KLHL8: variants seen among roughly 807,000 people sequenced by gnomAD.
KLHL8 encodes kelch-like protein 8.
Under a neutral mutation model 63.5 loss-of-function variants are expected in KLHL8, and 38 were observed. That is an observed-to-expected ratio of 0.60 (90% CI 0.46 to 0.78). The LOEUF is 0.78. Among genes scored for constraint, KLHL8 ranks in the 30% least tolerant of loss-of-function variants. KLHL8 has a pLI of 0.00. For missense variants in KLHL8, 566 were observed against 752.4 expected (o/e 0.75, Z 2.90); for synonymous variants, 224 against 254.3 (o/e 0.88, Z 1.13).
At chr4:87,165,012 G>T (rs1030202023) in intron 8 of KLHL8, among the ~76,000 whole-genome samples, 2 of 151,912 alleles carry the variant, frequency 1.3e-5, no homozygotes, top group African/African-American at 2.4e-5. Context: ...AGCTGGGCAT[G>T]GTGGCGGGCG....
At chr4:87,237,533 A>C (rs1012467551) in intron 1 of KLHL8, among the ~76,000 whole-genome samples, 14 of 152,336 alleles carry the variant, frequency 9.2e-5, no homozygotes, top group African/African-American at 3.1e-4. Flanking sequence ...TCATTGATTA[A>C]ATAAACAAAT....
intron 1 of KLHL8, among the ~76,000 whole-genome samples, chr4:87,226,428 C>T (rs1296188929): frequency 4.0e-5 from 6 of 149,360 alleles, no homozygotes; most frequent in East Asian, 2.0e-4. Context: ...CCGGGCATGG[C>T]GGTGCACGCC....
chr4:87,210,825 A>T (rs1261325834), intron 1 of KLHL8, among the ~76,000 whole-genome samples: 1 of 152,168 alleles, frequency 6.6e-6, no homozygotes. Context: ...TCATCTTCTA[A>T]GATCAGCCCA....
At position 87,162,483 on chromosome 4, in the gene KLHL8, T is replaced by G. The variant is rs1330267830; in HGVS notation, c.*1036A>C. 6.6e-6 allele frequency: 1 copy of G among 152,220 alleles called. No homozygotes were observed. Among genetic ancestry groups the G allele is most frequent in the Non-Finnish European group, 1.5e-5 (1 of 68,030 alleles). The allele number at this position is 152,220 out of a possible 1,614,324, so 9.4% of individuals were successfully genotyped here. ...ATGTTTAATTAGTTCGTGATGGGCT[T>G]GAACTAATCAATAAACTACAGTCTA... On this transcript the variant is annotated 3_prime_UTR_variant, in exon 10 of 10. Coordinates refer to ENST00000273963, the MANE Select transcript of KLHL8 (RefSeq NM_020803.5).
chr4:87,215,888 T>C (rs1325321324), intron 1 of KLHL8, among the ~76,000 whole-genome samples: 1 of 152,190 alleles, frequency 6.6e-6, no homozygotes. Context: ...AAAGTGATCA[T>C]CAATTAGGAT....
chr4:87,189,145 G>A (rs6815528), intron 2 of KLHL8, among the ~76,000 whole-genome samples: 2 of 152,146 alleles, frequency 1.3e-5, no homozygotes, highest in Non-Finnish European at 2.9e-5. Context: ...GAAACAGACG[G>A]GTCAGTTACA....
chr4:87,206,523 T>C (rs2110034871), intron 1 of KLHL8, among the ~76,000 whole-genome samples: 1 of 152,340 alleles, frequency 6.6e-6, no homozygotes, highest in Non-Finnish European at 1.5e-5. Context: ...ATCTTAAATA[T>C]ACTCTTGTTT....
chr4:87,176,851 C>CTACT lies in KLHL8; in HGVS notation c.1110_1113dup (p.Gly372SerfsTer5), dbSNP rs1425822142. The CTACT allele has an allele frequency of 6.3e-7, 1 of 1,596,370 alleles. No homozygotes were observed. Among genetic ancestry groups the CTACT allele is most frequent in the African/African-American group, 1.3e-5 (1 of 74,504 alleles). On this transcript the variant is annotated frameshift_variant, in exon 6 of 10. Transcript: ENST00000273963. LOFTEE classifies it high-confidence loss of function. ...AAATGTTCATTTCCATCATGTCCAC[C>CTACT]TACTGCATACACTTTACCTGTCAAA...
At chr4:87,210,387 A>C (rs1339681650) in intron 1 of KLHL8, among the ~76,000 whole-genome samples, 1 of 152,182 alleles carries the variant, frequency 6.6e-6, no homozygotes, top group Non-Finnish European at 1.5e-5. Context: ...AGGCTGAGGC[A>C]GGAGAATGGT....
intron 3 of KLHL8, among the ~76,000 whole-genome samples, chr4:87,184,637 A>C (rs904935329): frequency 2.6e-5 from 4 of 152,096 alleles, no homozygotes; most frequent in Non-Finnish European, 4.4e-5. Flanking sequence ...GAAGGGAAGG[A>C]GGGAAGGGAG....
upstream of KLHL8, among the ~76,000 whole-genome samples, chr4:87,222,711 A>G (rs1465773404): frequency 2.0e-5 from 3 of 152,058 alleles, no homozygotes; most frequent in East Asian, 5.8e-4. Flanking sequence ...AGCCTCTGCA[A>G]TAGTTGGGAT....
chr4:87,185,882 A>T, intron 2 of KLHL8, 83 bp from the exon 3 acceptor site: 2 of 1,203,560 alleles, frequency 1.7e-6, no homozygotes, highest in South Asian at 3.3e-5. Flanking sequence ...TGTAGCAGGG[A>T]CAAAATTTCC....
chr4:87,218,341 C>T (rs1426871658), intron 1 of KLHL8, among the ~76,000 whole-genome samples: 1 of 151,466 alleles, frequency 6.6e-6, no homozygotes, highest in African/African-American at 2.4e-5. Context: ...AAGTGATTCT[C>T]GTGTCTCTGG....
intron 1 of KLHL8, chr4:87,207,776 T>G: frequency 5.7e-6 from 5 of 871,048 alleles, no homozygotes; most frequent in South Asian, 5.4e-5. Context: ...CTCACTGGCA[T>G]GGCCTTCTGT....
intron 1 of KLHL8, among the ~76,000 whole-genome samples, chr4:87,199,097 A>G (rs1413359688): frequency 6.6e-6 from 1 of 152,206 alleles, no homozygotes; most frequent in East Asian, 1.9e-4. Flanking sequence ...GTACAAGAAA[A>G]AAACCTACTT....
rs780477965 is a variant in KLHL8, at chr4:87,195,590, T to G, written c.-51A>C. The G allele has an allele frequency of 9.9e-6, 15 of 1,514,242 alleles. No individual in the cohort carries two copies. In the South Asian group the frequency reaches 1.7e-4, roughly 18 times the overall value. The allele number at this position is 1,514,242 out of a possible 1,614,324, so 93.8% of individuals were successfully genotyped here. A position where few individuals can be genotyped will look rare whatever the true frequency, so the allele number is the denominator to read the frequency against. On this transcript the variant is annotated 5_prime_UTR_variant, in exon 2 of 10. Coordinates refer to ENST00000273963, the MANE Select transcript of KLHL8 (RefSeq NM_020803.5). ...CTCTCTTCTCAAACATGCCATTTAT[T>G]TTTTTTCAAAGGGTAGAGAGAAGGC...
intron 2 of KLHL8, among the ~76,000 whole-genome samples, chr4:87,187,896 C>T (rs984199301): frequency 6.6e-6 from 1 of 152,130 alleles, no homozygotes; most frequent in Non-Finnish European, 1.5e-5. Context: ...ATATAATAAA[C>T]AGTTGTATCT....
chr4:87,204,514 A>G (rs1437643932), intron 1 of KLHL8, among the ~76,000 whole-genome samples: 1 of 152,266 alleles, frequency 6.6e-6, no homozygotes, highest in Non-Finnish European at 1.5e-5. Context: ...TTGCATATGA[A>G]AACATATAGC....
chr4:87,171,605 C>T (rs986316992), intron 6 of KLHL8, among the ~76,000 whole-genome samples: 4 of 152,106 alleles, frequency 2.6e-5, no homozygotes, highest in African/African-American at 9.7e-5. Flanking sequence ...TAGAATGTAA[C>T]GATGTTAGGT....
Sources: allele counts gnomAD v4.1 joint callset (sites outside exome capture counted in the v4.1 genomes callset), GRCh38; gene constraint gnomAD v4.1.1; transcripts MANE v1.5; gene names NCBI Gene and HGNC (gene_info 2026-07-23, HGNC 2026-07-21).